TAF8: variants seen among roughly 807,000 people sequenced by gnomAD.
TAF8 encodes the protein transcription initiation factor TFIID subunit 8.
A neutral mutation model predicts 36.5 loss-of-function variants in TAF8; 47 were observed. The ratio of observed to expected loss-of-function variants is 1.29; its 90% CI spans 1.02 to 1.64. The LOEUF is 1.64. TAF8 is among the 40% of genes most tolerant of loss of function. TAF8 has a pLI of 0.00. For missense variants in TAF8, 420 were observed against 407.6 expected, an observed-to-expected ratio of 1.03 and a Z score of -0.26; for synonymous variants, 175 against 159.5, an observed-to-expected ratio of 1.10 and a Z score of -0.73.
chr6:42,050,565 TG>T lies in TAF8; in HGVS notation c.28del (p.Ala10ProfsTer32). The T allele has an allele frequency of 1.9e-6, 3 of 1,550,242 alleles. No individual in the cohort carries two copies. The highest frequency in any genetic ancestry group is 2.6e-6 in the Non-Finnish European group (3 of 1,146,856). On this transcript the variant is annotated frameshift_variant, in exon 1 of 9. Transcript: ENST00000372977. LOFTEE classifies it high-confidence loss of function. The stretch of plus-strand genomic sequence containing the variant: ...AGATGGCCGACGCGGCGGCCACAGC[TG>T]GGGCCGGTGGCTCCGGAACGGTAAG... MADAAATA[G>X]AGGSGTRSGS...
downstream of TAF8, among the ~76,000 whole-genome samples, chr6:42,085,581 G>A (rs990292431): frequency 1.3e-5 from 2 of 152,200 alleles, no homozygotes; most frequent in Admixed American, 1.3e-4. Context: ...CCAGTGCTTT[G>A]GGAGGCTGAG....
At position 42,050,602 on chromosome 6, in the gene TAF8, G is replaced by A; in HGVS notation, c.45+16G>A. On this transcript the variant is annotated intron_variant, in intron 1 of 8. Coordinates refer to ENST00000372977, the MANE Select transcript of TAF8 (RefSeq NM_138572.3). ...CTCCGGAACGGTAAGGGCAGGAAGCGCGGGCTCGGAGCCGAGAGAGTTTGG... is the reference window on the plus strand; with the variant it reads ...CTCCGGAACGGTAAGGGCAGGAAGCACGGGCTCGGAGCCGAGAGAGTTTGG... 6.5e-7 allele frequency: 1 copy of A among 1,546,380 alleles called. No homozygotes were observed. The highest frequency in any genetic ancestry group is 8.7e-7 in the Non-Finnish European group (1 of 1,146,366).
chr6:42,075,683 C>T (rs1765721990), intron 7 of TAF8, among the ~76,000 whole-genome samples: 2 of 152,190 alleles, frequency 1.3e-5, no homozygotes, highest in Admixed American at 1.3e-4. Context: ...AGAACTTCTT[C>T]CCCTTGGCCC....
rs770594286 is a variant in TAF8 at position 42,068,464 on chromosome 6, G to A, written c.638-1G>A. 6 of 1,613,960 alleles carry A rather than the reference G, an allele frequency of 3.7e-6. No homozygotes were observed. Among genetic ancestry groups the A allele is most frequent in the Non-Finnish European group, 5.1e-6 (6 of 1,180,006 alleles). ...CTCATGCCTCTCTTCCAATTCGCCA[G>A]TGATTGCTGCCAGACCTTTCACCAT... On this transcript the variant is annotated splice_acceptor_variant, in intron 6 of 8. Transcript: ENST00000372977. LOFTEE classifies it high-confidence loss of function.
chr6:42,051,309 T>C, intron 1 of TAF8, 48 bp from the exon 2 acceptor site: 1 of 1,576,966 alleles, frequency 6.3e-7, no homozygotes, highest in Non-Finnish European at 8.7e-7. Flanking sequence ...ATGAACTATG[T>C]GATTGCATCC....
Position 42,080,505 on chromosome 6 carries a change from T to A in TAF8, c.*2960T>A, listed in dbSNP as rs891607639. On this transcript the variant is annotated 3_prime_UTR_variant, in exon 9 of 9. Transcript: ENST00000372977. Reference sequence around the variant, plus strand: ...CTCCTGCCTCAGCCTCCTGAGTAGCTGGGATTACAGGCACCTACCACAATT... The same window carrying A: ...CTCCTGCCTCAGCCTCCTGAGTAGCAGGGATTACAGGCACCTACCACAATT... The A allele has an allele frequency of 8.6e-6, 4 of 464,574 alleles. No homozygotes were observed. The highest frequency in any genetic ancestry group is 8.5e-5 in the African/African-American group (4 of 47,082). The allele number at this position is 464,574 out of a possible 1,614,324, so 28.8% of individuals were successfully genotyped here. A position where few individuals can be genotyped will look rare whatever the true frequency, so the allele number is the denominator to read the frequency against.
chr6:42,071,718 T>C (rs146912805), intron 7 of TAF8, among the ~76,000 whole-genome samples: 3 of 152,290 alleles, frequency 2.0e-5, no homozygotes, highest in African/African-American at 7.2e-5. Context: ...GAAATTGTTA[T>C]TGTACGCTTC....
chr6:42,086,587 A>G, downstream of TAF8: 1 of 900,958 alleles, frequency 1.1e-6, no homozygotes, highest in Non-Finnish European at 1.8e-6. Context: ...AACCTTTTAA[A>G]TCATCACAAG....
chr6:42,069,767 G>A (rs1765495544), intron 7 of TAF8, among the ~76,000 whole-genome samples: 1 of 152,162 alleles, frequency 6.6e-6, no homozygotes, highest in South Asian at 2.1e-4. Flanking sequence ...CTAAAAACAT[G>A]AGCGTGGATG....
In TAF8 at chr6:42,051,344, T is replaced by C. The variant is rs766946213; in HGVS notation, c.46-13T>C. The C allele has an allele frequency of 6.2e-7, 1 of 1,606,348 alleles. No individual in the cohort carries two copies. The highest frequency in any genetic ancestry group is 1.3e-5 in the African/African-American group (1 of 74,822). The stretch of plus-strand genomic sequence containing the variant: ...CTTCTCCTGTGGATGAAAATCTCTC[T>C]GCTGATTCACAGAGATCGGGAAGTA... On this transcript the variant is annotated splice_polypyrimidine_tract_variant and intron_variant, in intron 1 of 8. Coordinates refer to ENST00000372977, the MANE Select transcript of TAF8 (RefSeq NM_138572.3).
At chr6:42,083,570 G>T (rs1765979072), downstream of TAF8, among the ~76,000 whole-genome samples, 1 of 152,146 alleles carries the variant, frequency 6.6e-6, no homozygotes, top group African/African-American at 2.4e-5. Context: ...TTTTATTTGA[G>T]TTGGAGTTGA....
rs1405202171 is a variant in TAF8, at chr6:42,071,378, T to C, written c.780+2771T>C. On this transcript the variant is annotated intron_variant, in intron 7 of 8. Coordinates refer to ENST00000372977, the MANE Select transcript of TAF8 (RefSeq NM_138572.3). ...TCTCGCTCCGTCACCCAGGCTGGAG[T>C]GCAGTGGCAAGATCTTGGCTCACTG... The C allele has an allele frequency of 1.6e-5, 3 of 185,182 alleles. 1 individual carries two copies. In the South Asian group the frequency reaches 2.2e-4, roughly 13 times the overall value. The allele number at this position is 185,182 out of a possible 1,614,324, so 11.5% of individuals were successfully genotyped here.
chr6:42,068,330 G>T, intron 6 of TAF8, 135 bp from the exon 7 acceptor site: 1 of 895,766 alleles, frequency 1.1e-6, no homozygotes. Context: ...CTGGCCTGTT[G>T]TGTAAGTACT....
chr6:42,066,390 C>T lies in TAF8; in HGVS notation c.568C>T (p.Leu190Phe), dbSNP rs1765362470. Reference sequence around the variant, plus strand: ...CCAGAGGCGCGATGTGGAGCGGGCACTTACCCGTTTCATGGCCAAGACAGG... The same window carrying T: ...CCAGAGGCGCGATGTGGAGCGGGCATTTACCCGTTTCATGGCCAAGACAGG... ...ASQRRDVERA[L>F]TRFMAKTGET... Residue 190 changes from leucine to phenylalanine, a missense_variant, in exon 6 of 9, where the codon CTT becomes TTT. Transcript: ENST00000372977. The T allele has an allele frequency of 6.2e-7, 1 of 1,614,250 alleles. No individual in the cohort carries two copies. Among genetic ancestry groups the T allele is most frequent in the Non-Finnish European group, 8.5e-7 (1 of 1,180,044 alleles).
intron 1 of TAF8, 157 bp downstream of exon 1, chr6:42,050,743 A>G: frequency 9.5e-7 from 1 of 1,047,568 alleles, no homozygotes; most frequent in East Asian, 3.0e-5. Context: ...CCTCCTTGGG[A>G]CTTGGCTGCG....
At chr6:42,060,305 C>T (rs1444580620) in intron 5 of TAF8, among the ~76,000 whole-genome samples, 1 of 152,152 alleles carries the variant, frequency 6.6e-6, no homozygotes, top group East Asian at 1.9e-4. Flanking sequence ...CTCCAGTCCC[C>T]ATTTTTATTA....
downstream of TAF8, among the ~76,000 whole-genome samples, chr6:42,085,948 G>A (rs567557876): frequency 6.6e-6 from 1 of 152,264 alleles, no homozygotes; most frequent in East Asian, 1.9e-4. Context: ...TCGCACCATG[G>A]CCCTCCAGCC....
intron 7 of TAF8, among the ~76,000 whole-genome samples, chr6:42,075,445 G>A (rs1417285361): frequency 6.6e-6 from 1 of 152,218 alleles, no homozygotes; most frequent in Non-Finnish European, 1.5e-5. Flanking sequence ...GAGAGGGCAC[G>A]CAGGGGAACC....
Position 42,080,859 on chromosome 6 carries a change from T to C in TAF8, c.*3314T>C, listed in dbSNP as rs1765901438. On this transcript the variant is annotated 3_prime_UTR_variant, in exon 9 of 9. Coordinates refer to ENST00000372977, the MANE Select transcript of TAF8 (RefSeq NM_138572.3). ...AGTAAACATGCAGATTAAAAATGTTTATGAAAATCTCAATAAAAATTCATA... is the reference window on the plus strand; with the variant it reads ...AGTAAACATGCAGATTAAAAATGTTCATGAAAATCTCAATAAAAATTCATA... The C allele has an allele frequency of 2.0e-6, 2 of 980,054 alleles. No homozygotes were observed. Among genetic ancestry groups the C allele is most frequent in the Non-Finnish European group, 2.4e-6 (2 of 825,144 alleles). The allele number at this position is 980,054 out of a possible 1,614,324, so 60.7% of individuals were successfully genotyped here. A position where few individuals can be genotyped will look rare whatever the true frequency, so the allele number is the denominator to read the frequency against.
Sources: allele counts gnomAD v4.1 joint callset (sites outside exome capture counted in the v4.1 genomes callset), GRCh38; gene constraint gnomAD v4.1.1; transcripts MANE v1.5; gene names NCBI Gene and HGNC (gene_info 2026-07-23, HGNC 2026-07-21).